Variants in HMCN1 observed in about 807,000 individuals in gnomAD.
HMCN1 encodes the protein hemicentin-1.
HMCN1 carries 321 observed loss-of-function variants against 625.9 expected under a neutral mutation model. That is an observed-to-expected ratio of 0.51 (90% confidence interval 0.47 to 0.56). The LOEUF is 0.56. Among genes scored for constraint, HMCN1 ranks in the 20% least tolerant of loss-of-function variants. The pLI is 0.00. For missense variants in HMCN1, 6,588 were observed against 6,887.3 expected (o/e 0.96, Z 1.54); for synonymous variants, 2,425 against 2,417.6 (o/e 1.00, Z -0.09).
chr1:185,941,323 TTATTCTACA>T (rs1372248625), intron 11 of HMCN1, among the ~76,000 whole-genome samples: 3 of 152,200 alleles, frequency 2.0e-5, no homozygotes, highest in African/African-American at 7.2e-5. Flanking sequence ...ATGTCAGAAG[TTATTCTACA>T]TATTTTAAAA....
At position 186,106,860 on chromosome 1, in the gene HMCN1, T is replaced by C. The variant is rs1241854747; in HGVS notation, c.10771-24T>C. On this transcript the variant is annotated intron_variant, in intron 69 of 106. Transcript: ENST00000271588. Reference sequence around the variant, plus strand: ...CAAAAGCTAACATGTTAACATTATGTAATTCATTATTTGGGTTTTGTAGGT... The same window carrying C: ...CAAAAGCTAACATGTTAACATTATGCAATTCATTATTTGGGTTTTGTAGGT... 3 of 1,450,180 alleles carry C rather than the reference T, an allele frequency of 2.1e-6. No individual in the cohort carries two copies. In the East Asian group the frequency reaches 6.8e-5, roughly 33 times the overall value. The allele number at this position is 1,450,180 out of a possible 1,614,324, so 89.8% of individuals were successfully genotyped here.
intron 2 of HMCN1, among the ~76,000 whole-genome samples, chr1:185,855,565 A>G (rs1263310741): frequency 6.6e-6 from 1 of 152,124 alleles, no homozygotes; most frequent in Admixed American, 6.5e-5. Flanking sequence ...GCTAATCAAG[A>G]TATTGAGTGC....
At chr1:185,853,300 T>C (rs985758758) in intron 2 of HMCN1, among the ~76,000 whole-genome samples, 5 of 152,138 alleles carry the variant, frequency 3.3e-5, no homozygotes, top group African/African-American at 1.2e-4. Context: ...AAGTTAATAA[T>C]AAAATCACTG....
intron 11 of HMCN1, among the ~76,000 whole-genome samples, chr1:185,955,890 G>A (rs1649582880): frequency 6.6e-6 from 1 of 152,192 alleles, no homozygotes; most frequent in South Asian, 2.1e-4. Flanking sequence ...TTGAGTCATA[G>A]AGGTATCCTC....
In HMCN1 at chr1:186,080,182, G is replaced by A. The variant is rs186116357; in HGVS notation, c.8600-1025G>A. Among the ~76,000 whole-genome samples, 460 of 152,180 alleles carry A rather than the reference G, an allele frequency of 3.0e-3. 4 individuals carry two copies. The highest frequency in any genetic ancestry group is 2.1e-3 in the Non-Finnish European group (141 of 68,004). On this transcript the variant is annotated intron_variant, in intron 55 of 106. Coordinates refer to ENST00000271588, the MANE Select transcript of HMCN1 (RefSeq NM_031935.3). ...CACGTAGCTTTGAATGTGAAAGTAC[G>A]CATTCAAAATAACATTGAAATTCTA...
chr1:186,082,728 AG>A, intron 56 of HMCN1, 136 bp from the exon 57 acceptor site: 1 of 385,288 alleles, frequency 2.6e-6, no homozygotes, highest in East Asian at 4.2e-5. Context: ...AGCTAGCATC[AG>A]CACTAGTATG....
chr1:185,767,426 T>C (rs943917789), intron 1 of HMCN1, among the ~76,000 whole-genome samples: 1 of 152,178 alleles, frequency 6.6e-6, no homozygotes, highest in Admixed American at 6.5e-5. Flanking sequence ...AATTAAAGTG[T>C]TTAAAGGGAA....
At chr1:185,742,008 T>C (rs1654024513) in intron 1 of HMCN1, among the ~76,000 whole-genome samples, 1 of 151,998 alleles carries the variant, frequency 6.6e-6, no homozygotes, top group African/African-American at 2.4e-5. Flanking sequence ...GAATGGTTGC[T>C]TTGATCATAG....
intron 1 of HMCN1, among the ~76,000 whole-genome samples, chr1:185,776,951 T>C (rs967018139): frequency 6.6e-6 from 1 of 152,252 alleles, no homozygotes; most frequent in African/African-American, 2.4e-5. Context: ...GAAAGTATGG[T>C]TTGCTCATAG....
Position 186,128,254 on chromosome 1 carries a change from C to G in HMCN1, c.12867C>G (p.Pro4289=). ...GTAAAGCTACTGGTATTCCATTGCC[C>G]AAATTAACATGGACCTTCAATAACA... ...LSCKATGIPL[P]KLTWTFNNNI... Residue 4289 remains proline (P), a synonymous_variant, in exon 83 of 107, where the codon CCC becomes CCG. Coordinates refer to ENST00000271588, the MANE Select transcript of HMCN1 (RefSeq NM_031935.3). 1 of 1,613,366 alleles carries G rather than the reference C, an allele frequency of 6.2e-7. No homozygotes were observed. The highest frequency in any genetic ancestry group is 2.2e-5 in the East Asian group (1 of 44,852).
At chr1:186,029,705 GT>G (rs1307462560) in intron 36 of HMCN1, among the ~76,000 whole-genome samples, 26 of 151,116 alleles carry the variant, frequency 1.7e-4, no homozygotes, top group Admixed American at 7.9e-4. Flanking sequence ...TTTCTCTACT[GT>G]TTTTCTCTTC....
In HMCN1 at chr1:186,103,687, AG is replaced by A. The variant is rs772380900; in HGVS notation, c.10770+20del. On this transcript the variant is annotated intron_variant, in intron 69 of 106. Transcript: ENST00000271588. ...TGCTCAGGTAAGTGTCAAAGTTCAT[AG>A]AATTATTTTAGGTTAGGTCAAACTT... The A allele has an allele frequency of 1.9e-6, 3 of 1,608,896 alleles. No individual in the cohort carries two copies. The East Asian group carries it at 6.7e-5, about 36-fold the overall frequency.
intron 82 of HMCN1, among the ~76,000 whole-genome samples, chr1:186,127,427 G>A (rs756262710): frequency 8.6e-4 from 130 of 152,014 alleles, no homozygotes; most frequent in Non-Finnish European, 1.5e-3. Context: ...GAGCCTTCTC[G>A]CTTGCCACCA....
intron 67 of HMCN1, 75 bp from the exon 68 acceptor site, chr1:186,095,168 T>C (rs1290720130): frequency 7.2e-7 from 1 of 1,391,174 alleles, no homozygotes; most frequent in East Asian, 2.3e-5. Flanking sequence ...TATAGAATTA[T>C]TCAAATGTTT....
intron 11 of HMCN1, among the ~76,000 whole-genome samples, chr1:185,943,482 G>A (rs1034657475): frequency 2.6e-5 from 4 of 152,178 alleles, no homozygotes; most frequent in Non-Finnish European, 5.9e-5. Flanking sequence ...TCTGTTGAGT[G>A]GTATTAGAGT....
chr1:185,999,821 G>A (rs896813237), intron 25 of HMCN1, among the ~76,000 whole-genome samples: 2 of 151,984 alleles, frequency 1.3e-5, no homozygotes, highest in Non-Finnish European at 2.9e-5. Flanking sequence ...AAACAACTTT[G>A]TTCAAACTTT....
intron 11 of HMCN1, among the ~76,000 whole-genome samples, chr1:185,953,652 C>G (rs964170734): frequency 6.6e-6 from 1 of 151,706 alleles, no homozygotes; most frequent in African/African-American, 2.4e-5. Context: ...TTGGGCTGGT[C>G]GGTCTGAGGA....
At chr1:185,920,874 A>C (rs1288961986) in intron 6 of HMCN1, among the ~76,000 whole-genome samples, 1 of 152,180 alleles carries the variant, frequency 6.6e-6, no homozygotes, top group African/African-American at 2.4e-5. Flanking sequence ...TAACAGTAAT[A>C]TATGATGTTA....
chr1:185,922,507 T>A lies in HMCN1; in HGVS notation c.1021+8T>A. On this transcript the variant is annotated splice_region_variant and intron_variant, in intron 7 of 106. Coordinates refer to ENST00000271588, the MANE Select transcript of HMCN1 (RefSeq NM_031935.3). ...TCAGCAGACCAGTGCAAGGTTTGTA[T>A]GTGCATATTATTTAAATTGACATAA... 2 of 1,604,146 alleles carry A rather than the reference T, an allele frequency of 1.2e-6. No individual in the cohort carries two copies. Among genetic ancestry groups the A allele is most frequent in the African/African-American group, 2.7e-5 (2 of 74,770 alleles).
Sources: gnomAD v4.1 joint callset for allele counts (sites outside exome capture counted in the v4.1 genomes callset) on GRCh38, gnomAD v4.1.1 for gene constraint, MANE v1.5 for transcripts, NCBI Gene and HGNC (gene_info 2026-07-23, HGNC 2026-07-21) for gene names.